MACROD2: variants seen among roughly 807,000 people sequenced by gnomAD.
MACROD2 encodes the protein ADP-ribose glycohydrolase MACROD2.
Under a neutral mutation model 70.4 loss-of-function variants are expected in MACROD2, and 36 were observed. The observed-to-expected ratio is 0.51, with a 90% CI of 0.39 to 0.68. The LOEUF is 0.68. MACROD2 is among the 30% of genes least tolerant of loss of function. The pLI, the probability that MACROD2 is intolerant of heterozygous loss-of-function variation, is 0.00. For synonymous variants in MACROD2, 172 were observed against 178.8 expected (o/e 0.96, Z 0.30); for missense variants, 496 against 538.4 (o/e 0.92, Z 0.78).
intron 3 of MACROD2, among the ~76,000 whole-genome samples, chr20:14,350,761 A>G (rs1182014070): frequency 3.3e-5 from 5 of 152,064 alleles, no homozygotes; most frequent in African/African-American, 9.7e-5. Context: ...TTTTAACTTG[A>G]TGTGATCCCA....
At chr20:15,971,370 A>C (rs1230288926) in intron 13 of MACROD2, among the ~76,000 whole-genome samples, 1 of 152,018 alleles carries the variant, frequency 6.6e-6, no homozygotes, top group African/African-American at 2.4e-5. Context: ...TGCTGTTCTC[A>C]TGATAGTGAA....
intron 8 of MACROD2, among the ~76,000 whole-genome samples, chr20:15,725,914 A>G (rs2050855638): frequency 6.6e-6 from 1 of 152,076 alleles, no homozygotes; most frequent in South Asian, 2.1e-4. Context: ...TAAATTGTGT[A>G]AATTTACCTA....
chr20:14,361,584 G>T lies in MACROD2; in HGVS notation c.272-131895G>T, dbSNP rs547077685. ...GCTCAAACTTCAAAATGGAGCTGCT[G>T]GTACTTCCCTCATTCTTCCTAAATA... On this transcript the variant is annotated intron_variant, in intron 3 of 17. Coordinates refer to ENST00000684519, the MANE Select transcript of MACROD2 (RefSeq NM_001351661.2). 2.0e-5 allele frequency among the ~76,000 whole-genome samples: 3 copies of T among 152,292 alleles called. No individual in the cohort carries two copies. The East Asian group carries it at 5.8e-4, about 29-fold the overall frequency.
At chr20:14,495,979 A>G (rs1412133145) in intron 4 of MACROD2, among the ~76,000 whole-genome samples, 1 of 152,218 alleles carries the variant, frequency 6.6e-6, no homozygotes, top group East Asian at 1.9e-4. Context: ...GGAGATGTCA[A>G]GATTGCTCTA....
At chr20:14,909,717 C>G (rs1394798279) in intron 5 of MACROD2, among the ~76,000 whole-genome samples, 1 of 152,012 alleles carries the variant, frequency 6.6e-6, no homozygotes, top group Non-Finnish European at 1.5e-5. Flanking sequence ...GATTCTCAGA[C>G]CTGCCACTGC....
chr20:15,565,838 C>T (rs570040449), intron 8 of MACROD2, among the ~76,000 whole-genome samples: 1 of 152,152 alleles, frequency 6.6e-6, no homozygotes, highest in Admixed American at 6.5e-5. Flanking sequence ...TGAGCCACTG[C>T]ACTCAGCCTG....
intron 8 of MACROD2, among the ~76,000 whole-genome samples, chr20:15,768,055 G>A (rs778095900): frequency 1.1e-4 from 16 of 151,700 alleles, no homozygotes; most frequent in Non-Finnish European, 1.9e-4. Context: ...ATAGGCAATA[G>A]AGAAAATAAA....
chr20:14,744,673 T>A (rs1243505564), intron 5 of MACROD2, among the ~76,000 whole-genome samples: 1 of 152,188 alleles, frequency 6.6e-6, no homozygotes, highest in African/African-American at 2.4e-5. Flanking sequence ...GTGTCAAAAA[T>A]GGCTCAAGCA....
chr20:14,215,853 T>G (rs2081617725), intron 3 of MACROD2, among the ~76,000 whole-genome samples: 1 of 152,146 alleles, frequency 6.6e-6, no homozygotes, highest in Non-Finnish European at 1.5e-5. Flanking sequence ...CACTTTTTGA[T>G]GGGATTGTTT....
At chr20:14,273,191 A>AT (rs1236950315) in intron 3 of MACROD2, among the ~76,000 whole-genome samples, 1 of 152,284 alleles carries the variant, frequency 6.6e-6, no homozygotes, top group East Asian at 1.9e-4. Context: ...CAGAATGTAC[A>AT]TTTTTTTCAG....
intron 13 of MACROD2, among the ~76,000 whole-genome samples, chr20:15,977,769 G>A (rs1317466712): frequency 6.6e-6 from 1 of 152,134 alleles, no homozygotes; most frequent in Non-Finnish European, 1.5e-5. Context: ...TATATCTAAA[G>A]AGTCATAAAG....
At chr20:15,627,484 G>A (rs1386154204) in intron 8 of MACROD2, among the ~76,000 whole-genome samples, 4 of 152,090 alleles carry the variant, frequency 2.6e-5, no homozygotes, top group African/African-American at 7.2e-5. Flanking sequence ...GTAGGTTAGG[G>A]GTTTTTCAAA....
At chr20:14,248,497 C>T (rs1467618776) in intron 3 of MACROD2, among the ~76,000 whole-genome samples, 1 of 152,116 alleles carries the variant, frequency 6.6e-6, no homozygotes, top group African/African-American at 2.4e-5. Flanking sequence ...GCAGGAGAAT[C>T]GCTTGAACCC....
In MACROD2 at chr20:16,049,848, C is replaced by T. The variant is rs529893943; in HGVS notation, c.1319C>T (p.Ala440Val). 3.5e-5 allele frequency: 56 copies of T among 1,604,456 alleles called. No homozygotes were observed. Among genetic ancestry groups the T allele is most frequent in the Admixed American group, 2.0e-4 (12 of 59,040 alleles). The change falls in exon 18 of 18, where the codon GCG becomes GTG. Residue 440 changes from alanine (A) to valine (V), a missense_variant. Transcript: ENST00000684519. ...DQLIAGAQDE[A>V]KEQRNGTK ...TCTTCAGCAGGGGCACAAGATGAAG[C>T]GAAGGAACAAAGAAATGGAACTAAA...
intron 5 of MACROD2, among the ~76,000 whole-genome samples, chr20:14,900,831 C>T (rs2122549114): frequency 6.6e-6 from 1 of 151,852 alleles, no homozygotes; most frequent in African/African-American, 2.4e-5. Context: ...TATTATTTCT[C>T]TTATTTTGCT....
chr20:15,727,938 C>A (rs966212420), intron 8 of MACROD2, among the ~76,000 whole-genome samples: 3 of 152,062 alleles, frequency 2.0e-5, no homozygotes, highest in African/African-American at 7.2e-5. Context: ...TGCCTGATTG[C>A]TCTGACTAGG....
intron 5 of MACROD2, among the ~76,000 whole-genome samples, chr20:14,864,981 G>C (rs1257611813): frequency 1.3e-5 from 2 of 152,082 alleles, no homozygotes; most frequent in Non-Finnish European, 2.9e-5. Flanking sequence ...TTCCAAGCTT[G>C]ACAAATTGCT....
At chr20:16,046,218 G>A (rs1601377573) in intron 17 of MACROD2, among the ~76,000 whole-genome samples, 4 of 152,174 alleles carry the variant, frequency 2.6e-5, no homozygotes, top group East Asian at 3.9e-4. Context: ...TCTTATTCCT[G>A]TATGGTCTTG....
At chr20:14,490,736 G>T (rs2084784701) in intron 3 of MACROD2, among the ~76,000 whole-genome samples, 1 of 152,104 alleles carries the variant, frequency 6.6e-6, no homozygotes, top group Non-Finnish European at 1.5e-5. Flanking sequence ...AAGAAATTTA[G>T]ATAGGGACAT....
Sources: gnomAD v4.1 joint callset for allele counts (sites outside exome capture counted in the v4.1 genomes callset) on GRCh38, gnomAD v4.1.1 for gene constraint, MANE v1.5 for transcripts, NCBI Gene and HGNC (gene_info 2026-07-23, HGNC 2026-07-21) for gene names.